Variants in LMNTD1 observed in about 807,000 individuals in gnomAD.
The protein encoded by LMNTD1 is lamin tail domain-containing protein 1.
A neutral mutation model predicts 50.9 loss-of-function variants in LMNTD1; 35 were observed. The observed-to-expected ratio is 0.69, with a 90% CI of 0.53 to 0.91. LMNTD1 has a LOEUF of 0.91. LMNTD1 is among the 40% of genes least tolerant of loss of function. The pLI, the probability that LMNTD1 is intolerant of heterozygous loss-of-function variation, is 0.00. For missense variants in LMNTD1, 470 were observed against 475.5 expected, an observed-to-expected ratio of 0.99 and a Z score of 0.11; for synonymous variants, 153 against 161.9, an observed-to-expected ratio of 0.94 and a Z score of 0.42.
rs183096665 is a variant in LMNTD1 at position 25,560,194 on chromosome 12, C to T, written c.59-13640G>A. On this transcript the variant is annotated intron_variant, in intron 1 of 7. Coordinates refer to the LMNTD1 transcript ENST00000445693. The stretch of plus-strand genomic sequence containing the variant: ...GTTTTAGGTCTAACATTTAAGTCTT[C>T]AATCCATCTTGAATTAATTTTTGTA... Among the ~76,000 whole-genome samples, 496 of 152,220 alleles carry T rather than the reference C, an allele frequency of 3.3e-3. 2 individuals are homozygous for T. Among genetic ancestry groups the T allele is most frequent in the African/African-American group, 0.011 (466 of 41,544 alleles).
At chr12:25,504,511 G>T (rs957621034) in intron 8 of LMNTD1, among the ~76,000 whole-genome samples, 1 of 151,576 alleles carries the variant, frequency 6.6e-6, no homozygotes, top group Non-Finnish European at 1.5e-5. Context: ...TTTTATTCCT[G>T]TAAAACAAAA....
intron 8 of LMNTD1, among the ~76,000 whole-genome samples, chr12:25,514,778 GGAAA>G (rs1940629378): frequency 6.6e-6 from 1 of 151,938 alleles, no homozygotes; most frequent in African/African-American, 2.4e-5. Flanking sequence ...TATGAGATAG[GGAAA>G]GATTTTTTAT....
intron 9 of LMNTD1, among the ~76,000 whole-genome samples, chr12:25,482,893 C>T (rs1208454642): frequency 1.3e-5 from 2 of 151,848 alleles, no homozygotes; most frequent in Non-Finnish European, 2.9e-5. Flanking sequence ...TGCTGTCGGG[C>T]CGCAGTGCAC....
intron 2 of LMNTD1, among the ~76,000 whole-genome samples, chr12:25,552,459 A>C (rs1307350507): frequency 6.6e-6 from 1 of 151,834 alleles, no homozygotes; most frequent in Non-Finnish European, 1.5e-5. Context: ...ACAAAAAATT[A>C]GCCGGGCGTG....
chr12:25,495,182 C>T (rs963648530), intron 9 of LMNTD1, among the ~76,000 whole-genome samples: 6 of 151,600 alleles, frequency 4.0e-5, no homozygotes, highest in African/African-American at 1.5e-4. Flanking sequence ...AAAACATTAT[C>T]ATAGGACCAG....
At chr12:25,527,173 TTAAAA>T (rs995739166) in intron 4 of LMNTD1, among the ~76,000 whole-genome samples, 1 of 152,066 alleles carries the variant, frequency 6.6e-6, no homozygotes, top group African/African-American at 2.4e-5. Context: ...CCTATTTCAC[TTAAAA>T]TAAAGAAAAC....
intron 1 of LMNTD1, among the ~76,000 whole-genome samples, chr12:25,639,423 A>C (rs185856244): frequency 7.7e-4 from 118 of 152,310 alleles, no homozygotes; most frequent in South Asian, 8.3e-4. Context: ...GATAAAAATC[A>C]CGTGTCCAGA....
At chr12:25,537,111 G>T (rs1216353010) in intron 4 of LMNTD1, among the ~76,000 whole-genome samples, 1 of 152,236 alleles carries the variant, frequency 6.6e-6, no homozygotes, top group Non-Finnish European at 1.5e-5. Flanking sequence ...TAGCACAGCA[G>T]TGTGAGATCA....
chr12:25,639,273 T>C (rs190703), intron 1 of LMNTD1, among the ~76,000 whole-genome samples: 150,608 of 152,218 alleles, frequency 0.99, 74,529 homozygotes, highest in Middle Eastern at 1. Flanking sequence ...TTTTTAGATA[T>C]GACACTAAAT....
At chr12:25,606,163 T>C (rs1180853954) in intron 1 of LMNTD1, among the ~76,000 whole-genome samples, 1 of 152,238 alleles carries the variant, frequency 6.6e-6, no homozygotes, top group Non-Finnish European at 1.5e-5. Context: ...AGAATGCTTC[T>C]GATTTTTTCA....
At chr12:25,532,731 CTTCT>C (rs1942310763) in intron 4 of LMNTD1, among the ~76,000 whole-genome samples, 1 of 152,078 alleles carries the variant, frequency 6.6e-6, no homozygotes, top group African/African-American at 2.4e-5. Context: ...TTCTTTTCTT[CTTCT>C]TTTTCTTTTG....
chr12:25,487,614 G>A (rs892210118), intron 9 of LMNTD1, among the ~76,000 whole-genome samples: 1 of 127,634 alleles, frequency 7.8e-6, no homozygotes, highest in Non-Finnish European at 1.6e-5. Context: ...TCTTTTAATT[G>A]GAGAATTTAG....
intron 1 of LMNTD1, among the ~76,000 whole-genome samples, chr12:25,558,413 T>C (rs1013042036): frequency 2.0e-5 from 3 of 152,230 alleles, no homozygotes; most frequent in African/African-American, 4.8e-5. Flanking sequence ...CTTACAGCTA[T>C]AAAATTCCCT....
chr12:25,588,207 C>T (rs913865835), intron 1 of LMNTD1, among the ~76,000 whole-genome samples: 1 of 152,128 alleles, frequency 6.6e-6, no homozygotes, highest in Non-Finnish European at 1.5e-5. Flanking sequence ...AAATCTGCTA[C>T]TATAGCAACT....
chr12:25,606,656 C>G (rs574886713), intron 1 of LMNTD1, among the ~76,000 whole-genome samples: 154 of 152,278 alleles, frequency 1.0e-3, no homozygotes, highest in African/African-American at 3.6e-3. Flanking sequence ...ATATGTTGAA[C>G]CAGCCTTGCA....
chr12:25,536,874 C>T (rs972691013), intron 4 of LMNTD1, among the ~76,000 whole-genome samples: 3 of 152,232 alleles, frequency 2.0e-5, no homozygotes, highest in Non-Finnish European at 2.9e-5. Context: ...GTGCACGCAC[C>T]GTGCGCGAGC....
intron 9 of LMNTD1, among the ~76,000 whole-genome samples, chr12:25,479,514 T>C (rs1046540289): frequency 3.3e-5 from 5 of 152,238 alleles, no homozygotes; most frequent in Non-Finnish European, 5.9e-5. Flanking sequence ...GCCATTCCAC[T>C]GTTTTATCAA....
At chr12:25,648,396 G>T in intron 1 of LMNTD1, 1 of 949,550 alleles carries the variant, frequency 1.1e-6, no homozygotes, top group South Asian at 1.4e-5. Context: ...TGACAGATAT[G>T]ACCACTTTCT....
chr12:25,511,058 G>T (rs116690320), intron 8 of LMNTD1, among the ~76,000 whole-genome samples: 282 of 152,222 alleles, frequency 1.9e-3, no homozygotes, highest in African/African-American at 6.6e-3. Flanking sequence ...GGATGAAAAA[G>T]AATTATCCAT....
Sources: allele counts gnomAD v4.1 joint callset (sites outside exome capture counted in the v4.1 genomes callset), GRCh38; gene constraint gnomAD v4.1.1; transcripts MANE v1.5; gene names NCBI Gene and HGNC (gene_info 2026-07-23, HGNC 2026-07-21).